PER2: variants seen among roughly 807,000 people sequenced by gnomAD.
PER2 encodes period circadian regulator 2.
In PER2, 66 loss-of-function variants were observed where a neutral mutation model predicts 121.0. The ratio of observed to expected loss-of-function variants is 0.55; its 90% CI spans 0.45 to 0.67. The LOEUF (loss-of-function observed/expected upper bound fraction) is 0.67. PER2 is among the 30% of genes least tolerant of loss of function. PER2 has a pLI of 0.00. For synonymous variants in PER2, 684 were observed against 659.9 expected (o/e 1.04, Z -0.56); for missense variants, 1,521 against 1,635.0 (o/e 0.93, Z 1.20).
chr2:238,291,780 C>T (rs1326019704), upstream of PER2, among the ~76,000 whole-genome samples: 2 of 152,214 alleles, frequency 1.3e-5, no homozygotes, highest in African/African-American at 4.8e-5. Flanking sequence ...CAGAGGTGAC[C>T]TCAAGGGCGC....
chr2:238,292,680 A>T (rs1696968344), upstream of PER2, among the ~76,000 whole-genome samples: 1 of 150,238 alleles, frequency 6.7e-6, no homozygotes, highest in African/African-American at 2.5e-5. Context: ...TTTTTTATAG[A>T]TGTCCATTGC....
chr2:238,262,992 G>C lies in PER2; in HGVS notation c.1113C>G (p.His371Gln), dbSNP rs779271156. The change falls in exon 10 of 23, where the codon CAC (histidine) becomes CAG (glutamine). Residue 371 changes from histidine (H) to glutamine (Q), a missense_variant. By Grantham distance (24) the His-to-Gln change is conservative (BLOSUM62 0). Coordinates refer to ENST00000254657, the MANE Select transcript of PER2 (RefSeq NM_022817.3). ...CCAGCATCAAGGGCCTGTCACTAGG[G>C]TGGAGCTGCACGAGCACTGGGGTTT... ...LIETPVLVQL[H>Q]PSDRPLMLAI... is the part of the protein sequence containing the mutation. 3 of 1,614,038 alleles carry C rather than the reference G, an allele frequency of 1.9e-6. No individual in the cohort carries two copies. The East Asian group carries it at 6.7e-5, about 36-fold the overall frequency.
chr2:238,283,522 G>A lies in PER2; in HGVS notation c.-20+4827C>T, dbSNP rs1016016461. The stretch of plus-strand genomic sequence containing the variant: ...GGGACAGCACACACAAAGGCCCTGC[G>A]GCAGGCAAGCACCTGACCTGTCTGA... On this transcript the variant is annotated intron_variant, in intron 1 of 22. Coordinates refer to ENST00000254657, the MANE Select transcript of PER2 (RefSeq NM_022817.3). Among the ~76,000 whole-genome samples the A allele has an allele frequency of 1.3e-4, 20 of 152,330 alleles. 1 individual carries two copies. The highest frequency in any genetic ancestry group is 2.0e-4 in the Admixed American group (3 of 15,304).
At chr2:238,249,336 A>G in intron 21 of PER2, 124 bp from the exon 22 acceptor site, 1 of 999,410 alleles carries the variant, frequency 1.0e-6, no homozygotes, top group Non-Finnish European at 1.5e-6. Flanking sequence ...CTTTAAAAAA[A>G]TTTTCATTTA....
chr2:238,279,363 G>A (rs1371449844), intron 1 of PER2, among the ~76,000 whole-genome samples: 3 of 152,192 alleles, frequency 2.0e-5, no homozygotes, highest in South Asian at 2.1e-4. Context: ...TACATGGTGC[G>A]CAGGAGATCG....
At chr2:238,280,983 A>T (rs1043781155) in intron 1 of PER2, among the ~76,000 whole-genome samples, 2 of 151,582 alleles carry the variant, frequency 1.3e-5, no homozygotes, top group African/African-American at 2.4e-5. Context: ...GCAATATTAC[A>T]TTTCCAGAAG....
At chr2:238,275,719 A>C in intron 4 of PER2, 24 bp downstream of exon 4, 2 of 1,609,796 alleles carry the variant, frequency 1.2e-6, no homozygotes, top group Non-Finnish European at 1.7e-6. Flanking sequence ...ATAGGTTTGG[A>C]GCAGATGTGC....
intron 13 of PER2, among the ~76,000 whole-genome samples, chr2:238,260,444 C>T (rs780941842): frequency 2.6e-5 from 4 of 151,986 alleles, no homozygotes; most frequent in Admixed American, 2.0e-4. Flanking sequence ...TTAGTAGAGA[C>T]GGGGTTTCAC....
upstream of PER2, among the ~76,000 whole-genome samples, chr2:238,292,192 A>C (rs1696960731): frequency 2.0e-5 from 3 of 152,230 alleles, no homozygotes; most frequent in Non-Finnish European, 1.5e-5. Context: ...CATCTTTATC[A>C]TGCTAGCTAC....
chr2:238,258,696 G>A (rs1247279247), intron 14 of PER2, 52 bp from the exon 15 acceptor site: 1 of 1,573,390 alleles, frequency 6.4e-7, no homozygotes, highest in South Asian at 1.1e-5. Context: ...CACAGAAAAC[G>A]CTGTGTATTT....
Position 238,275,843 on chromosome 2 carries a change from C to T in PER2, c.348G>A (p.Lys116=). 1.9e-6 allele frequency: 3 copies of T among 1,614,228 alleles called. No homozygotes were observed. In the East Asian group the frequency reaches 6.7e-5, roughly 36 times the overall value. ...DTHKELIKTL[K]ELKVHLPADK... is the part of the protein sequence containing the mutation. Reference sequence around the variant, plus strand: ...CTGCAGGGAGGTGGACCTTCAGCTCCTTTAGTGTTTTTATCAGTTCTTTGT... The same window carrying T: ...CTGCAGGGAGGTGGACCTTCAGCTCTTTTAGTGTTTTTATCAGTTCTTTGT... Residue 116 remains lysine, a synonymous_variant, in exon 4 of 23, where the codon AAG becomes AAA. Coordinates refer to ENST00000254657, the MANE Select transcript of PER2 (RefSeq NM_022817.3).
At position 238,253,132 on chromosome 2, in the gene PER2, G is replaced by C; in HGVS notation, c.2891C>G (p.Ala964Gly). 1 of 1,603,100 alleles carries C rather than the reference G, an allele frequency of 6.2e-7. No individual in the cohort carries two copies. Among genetic ancestry groups the C allele is most frequent in the South Asian group, 1.1e-5 (1 of 90,480 alleles). The change falls in exon 19 of 23, where the codon GCC (alanine) becomes GGC (glycine). Residue 964 changes from alanine (A) to glycine (G), a missense_variant. Ala to Gly is a moderately conservative substitution (Grantham distance 60). Coordinates refer to ENST00000254657, the MANE Select transcript of PER2 (RefSeq NM_022817.3). The surrounding 1 kb of genome is among the most constrained non-coding windows in gnomAD (Gnocchi z 5.6). ...GGCCGATGGTGGGGTGGCCCGGGTG[G>C]CTGGACAAGCACATGGCTGTCTGGG... ...SIPRQPCACP[A>G]TRATPPSAMG...
upstream of PER2, among the ~76,000 whole-genome samples, chr2:238,294,116 C>T (rs1666669909): frequency 6.6e-6 from 1 of 152,228 alleles, no homozygotes; most frequent in Non-Finnish European, 1.5e-5. Flanking sequence ...ACGTCCGAGG[C>T]ATCTCTTCCT....
At position 238,249,181 on chromosome 2, in the gene PER2, C is replaced by G. The variant is rs1695532783; in HGVS notation, c.3499G>C (p.Glu1167Gln). The G allele has an allele frequency of 6.2e-7, 1 of 1,614,130 alleles. No individual in the cohort carries two copies. The highest frequency in any genetic ancestry group is 1.1e-5 in the South Asian group (1 of 91,090). ...NLEAVLKEDR[E>Q]KLKLLQKLQP... ...AGTTTCTGTAGGAGCTTCAGCTTCT[C>G]TCTGTCCTCCTTCAAAACCGCTTCT... The change falls in exon 22 of 23, where the codon GAG becomes CAG. Residue 1167 changes from glutamate (E) to glutamine (Q), a missense_variant. By Grantham distance (29) the Glu-to-Gln change is conservative. Coordinates refer to ENST00000254657, the MANE Select transcript of PER2 (RefSeq NM_022817.3).
chr2:238,250,680 T>C lies in PER2; in HGVS notation c.3338A>G (p.His1113Arg). ...FGSIDSSENN[H>R]KAKMNTGMEE... ...CATACCAGTGTTCATTTTTGCTTTG[T>C]GATTATTCTCTGAGGAGTCAATGCT... is the stretch of plus-strand genomic sequence containing the variant. The change falls in exon 21 of 23, where the codon CAC (histidine) becomes CGC (arginine). Residue 1113 changes from histidine to arginine, a missense_variant. Coordinates refer to ENST00000254657, the MANE Select transcript of PER2 (RefSeq NM_022817.3). The C allele has an allele frequency of 1.9e-6, 3 of 1,613,858 alleles. No individual in the cohort carries two copies. The highest frequency in any genetic ancestry group is 2.5e-6 in the Non-Finnish European group (3 of 1,179,678).
At chr2:238,281,563 C>A (rs1696630112) in intron 1 of PER2, among the ~76,000 whole-genome samples, 2 of 152,132 alleles carry the variant, frequency 1.3e-5, no homozygotes, top group Admixed American at 1.3e-4. Flanking sequence ...CTTTTGGGAA[C>A]AGAGAGACTA....
At chr2:238,286,887 C>G (rs1364784281) in intron 1 of PER2, among the ~76,000 whole-genome samples, 2 of 152,202 alleles carry the variant, frequency 1.3e-5, no homozygotes, top group African/African-American at 4.8e-5. Flanking sequence ...TCCTTGTAAG[C>G]ACTGCAGACG....
chr2:238,261,050 C>G (rs531082025), intron 12 of PER2, 97 bp from the exon 13 acceptor site: 1 of 1,443,184 alleles, frequency 6.9e-7, no homozygotes, highest in Non-Finnish European at 9.5e-7. Context: ...GAGAGGATGG[C>G]GACCCGCCTA....
intron 4 of PER2, 52 bp downstream of exon 4, chr2:238,275,691 G>A (rs1336918000): frequency 1.3e-6 from 2 of 1,563,732 alleles, no homozygotes; most frequent in South Asian, 2.2e-5. Flanking sequence ...AATTTGGGGG[G>A]ATTTAAAACA....
Sources: allele counts gnomAD v4.1 joint callset (sites outside exome capture counted in the v4.1 genomes callset), GRCh38; gene constraint gnomAD v4.1.1; non-coding constraint Gnocchi (gnomAD v3.1); transcripts MANE v1.5; gene names NCBI Gene and HGNC (gene_info 2026-07-23, HGNC 2026-07-21).